The following TM6SF1 variants were observed in gnomAD, a reference collection of about 807,000 sequenced individuals.
TM6SF1 encodes the protein transmembrane 6 superfamily member 1.
In TM6SF1, 43 loss-of-function variants were observed where a neutral mutation model predicts 47.1. That is an observed-to-expected ratio of 0.91 (90% CI 0.72 to 1.18). The LOEUF (loss-of-function observed/expected upper bound fraction) is 1.18. Ranked by LOEUF, TM6SF1 falls within the 50% of genes most tolerant of loss-of-function variation. The pLI is 0.00. For synonymous variants in TM6SF1, 177 were observed against 166.3 expected, an observed-to-expected ratio of 1.06 and a Z score of -0.49; for missense variants, 390 against 449.0, an observed-to-expected ratio of 0.87 and a Z score of 1.19.
chr15:83,107,773 G>A lies in TM6SF1; in HGVS notation c.92+1G>A, dbSNP rs752689450. Reference sequence around the variant, plus strand: ...TCAACCACCTGGCGGCCCAGCATGAGTGAGTGAGCCGGCGCGGCGGGGGTC... The same window carrying A: ...TCAACCACCTGGCGGCCCAGCATGAATGAGTGAGCCGGCGCGGCGGGGGTC... On this transcript the variant is annotated splice_donor_variant, in intron 1 of 9. Coordinates refer to ENST00000322019, the MANE Select transcript of TM6SF1 (RefSeq NM_023003.5). LOFTEE classifies it high-confidence loss of function. This position sits in a 1 kb window ranked among gnomAD's most constrained non-coding sequence, Gnocchi z 5.6. The A allele has an allele frequency of 1.3e-6, 2 of 1,580,188 alleles. No individual in the cohort carries two copies. The highest frequency in any genetic ancestry group is 1.7e-6 in the Non-Finnish European group (2 of 1,164,746).
intron 9 of TM6SF1, chr15:83,130,257 A>C (rs1257955397): frequency 2.0e-5 from 3 of 152,264 alleles, no homozygotes; most frequent in Non-Finnish European, 4.4e-5. Context: ...TTAGAGGAAA[A>C]TGGGTGTGGT....
chr15:83,132,871 C>T (rs2036347939), intron 9 of TM6SF1: 1 of 152,186 alleles, frequency 6.6e-6, no homozygotes, highest in Non-Finnish European at 1.5e-5. Flanking sequence ...ACTGATTTAA[C>T]ATCTTTTATG....
chr15:83,112,799 C>A lies in TM6SF1; in HGVS notation c.95C>A (p.Ser32Tyr). The part of the protein sequence containing the change: ...VFNHLAAQHD[S>Y]WTIVGVAALI... ...CCTCCCTGTTCTGGTCGTTGCAGTT[C>A]CTGGACTATTGTAGGGGTTGCTGCC... Residue 32 changes from serine (S) to tyrosine (Y), a missense_variant and splice_region_variant, in exon 2 of 10, where the codon TCC becomes TAC. Physicochemically the swap from Ser to Tyr is moderately radical, Grantham distance 144. Coordinates refer to ENST00000322019, the MANE Select transcript of TM6SF1 (RefSeq NM_023003.5). 1.9e-6 allele frequency: 3 copies of A among 1,613,000 alleles called. No individual in the cohort carries two copies. Among genetic ancestry groups the A allele is most frequent in the Non-Finnish European group, 2.5e-6 (3 of 1,178,982 alleles).
intron 9 of TM6SF1, chr15:83,132,627 C>CA (rs1248336588): frequency 6.6e-6 from 1 of 152,108 alleles, no homozygotes; most frequent in Non-Finnish European, 1.5e-5. Flanking sequence ...CTCCTGGACT[C>CA]AAGTGACCCT....
intron 1 of TM6SF1, among the ~76,000 whole-genome samples, chr15:83,111,904 C>A (rs962855831): frequency 6.6e-6 from 1 of 152,128 alleles, no homozygotes; most frequent in Non-Finnish European, 1.5e-5. Context: ...CATAGGGGTG[C>A]AGAATACATT....
intron 9 of TM6SF1, chr15:83,135,482 T>A (rs1193846997): frequency 6.6e-6 from 1 of 152,246 alleles, no homozygotes; most frequent in African/African-American, 2.4e-5. Context: ...CCTTTATTCA[T>A]GTGTATCTTG....
At position 83,119,587 on chromosome 15, in the gene TM6SF1, T is replaced by C. The variant is rs760690303; in HGVS notation, c.304T>C (p.Tyr102His). 1.1e-5 allele frequency: 17 copies of C among 1,614,082 alleles called. No individual in the cohort carries two copies. The Admixed American group carries it at 2.0e-4, about 19-fold the overall frequency. Residue 102 changes from tyrosine to histidine, a missense_variant, in exon 4 of 10, where the codon TAT becomes CAT. Physicochemically the swap from Tyr to His is moderately conservative, Grantham distance 83. Transcript: ENST00000322019. The part of the protein sequence containing the change: ...MTHYLREGEP[Y>H]LNTAYGHMIC... ...TTAATGCTTTCTTTAGGGTGAACCG[T>C]ATCTGAACACCGCATATGGGCACAT...
At chr15:83,126,341 A>T in intron 7 of TM6SF1, among the ~76,000 whole-genome samples, 1 of 152,158 alleles carries the variant, frequency 6.6e-6, no homozygotes, top group East Asian at 1.9e-4. Context: ...TGCACTGGAG[A>T]CAGGAAGGTG....
chr15:83,109,434 A>T (rs2033947291), intron 1 of TM6SF1, among the ~76,000 whole-genome samples: 1 of 152,194 alleles, frequency 6.6e-6, no homozygotes. Context: ...TACAGACTGA[A>T]CTATGTATTG....
chr15:83,117,223 A>G (rs773439689), intron 3 of TM6SF1, among the ~76,000 whole-genome samples: 7 of 152,126 alleles, frequency 4.6e-5, no homozygotes, highest in Non-Finnish European at 8.8e-5. Context: ...AAAGGCTTGG[A>G]GAGGAGAAAG....
At chr15:83,112,937 T>G in intron 2 of TM6SF1, 37 bp downstream of exon 2, 2 of 1,470,890 alleles carry the variant, frequency 1.4e-6, no homozygotes, top group Non-Finnish European at 1.9e-6. Flanking sequence ...TGTATCTGAT[T>G]AATAACACAA....
Position 83,121,904 on chromosome 15 carries a change from TG to T in TM6SF1, c.399-16del. The T allele has an allele frequency of 1.9e-6, 3 of 1,577,408 alleles. No individual in the cohort carries two copies. The highest frequency in any genetic ancestry group is 2.7e-5 in the African/African-American group (2 of 73,198). ...CAAACATACCAAGTCAAGATTTTTT[TG>T]TTGTTGTTGTTACAGGGAAACTTAT... On this transcript the variant is annotated splice_polypyrimidine_tract_variant and intron_variant, in intron 4 of 9. Coordinates refer to ENST00000322019, the MANE Select transcript of TM6SF1 (RefSeq NM_023003.5).
Position 83,136,802 on chromosome 15 carries a change from A to G in TM6SF1, c.*130A>G, listed in dbSNP as rs1312897689. The G allele has an allele frequency of 1.4e-6, 1 of 735,764 alleles. No individual in the cohort carries two copies. Among genetic ancestry groups the G allele is most frequent in the East Asian group, 2.8e-5 (1 of 36,044 alleles). 45.6% of individuals were successfully genotyped at this position (735,764 alleles called of 1,614,324 possible). On this transcript the variant is annotated 3_prime_UTR_variant, in exon 10 of 10. Transcript: ENST00000322019. ...TATGTACATTCTTGCTCTGCACTGT[A>G]TGTGTGAGCTATATGGTATTGTGTA...
At chr15:83,112,973 CTCCTTGGTTGTGAATACTCTGAGCCCTT>C in intron 2 of TM6SF1, 73 bp downstream of exon 2, 1 of 1,270,752 alleles carries the variant, frequency 7.9e-7, no homozygotes, top group East Asian at 2.3e-5. Flanking sequence ...TCACATATTC[CTCCTTGGTTGTGAATACTCTGAGCCCTT>C]TGGTAACAGT....
chr15:83,119,861 CCTT>C, intron 4 of TM6SF1, 180 bp downstream of exon 4: 2 of 886,676 alleles, frequency 2.3e-6, no homozygotes, highest in Non-Finnish European at 3.3e-6. Flanking sequence ...TTGAATATGT[CCTT>C]CTGAATTGCT....
At chr15:83,132,288 G>C (rs1033187661) in intron 9 of TM6SF1, 2 of 152,166 alleles carry the variant, frequency 1.3e-5, no homozygotes, top group African/African-American at 4.8e-5. Context: ...TTAACCTGAA[G>C]ACAAACTAAT....
chr15:83,116,801 G>A (rs1318062696), intron 3 of TM6SF1, among the ~76,000 whole-genome samples: 1 of 152,156 alleles, frequency 6.6e-6, no homozygotes, highest in Non-Finnish European at 1.5e-5. Flanking sequence ...ATAAGACTTG[G>A]GGACAAATTG....
In TM6SF1 at chr15:83,107,925, A is replaced by G; in HGVS notation, c.92+153A>G. ...GGGGCTCCCCGCGCCTGGCCAGACTAGGGGGGCGCCCCAGGGGTCGCACGG... is the reference window on the plus strand; with the variant it reads ...GGGGCTCCCCGCGCCTGGCCAGACTGGGGGGGCGCCCCAGGGGTCGCACGG... On this transcript the variant is annotated intron_variant, in intron 1 of 9. Transcript: ENST00000322019. The surrounding 1 kb of genome is among the most constrained non-coding windows in gnomAD (Gnocchi z 5.6). The G allele has an allele frequency of 3.1e-6, 4 of 1,284,048 alleles. No individual in the cohort carries two copies. Among genetic ancestry groups the G allele is most frequent in the Non-Finnish European group, 4.0e-6 (4 of 1,011,282 alleles). The allele number at this position is 1,284,048 out of a possible 1,614,324, so 79.5% of individuals were successfully genotyped here. A position where few individuals can be genotyped will look rare whatever the true frequency, so the allele number is the denominator to read the frequency against.
intron 9 of TM6SF1, chr15:83,135,947 G>A (rs1357713273): frequency 1.3e-5 from 2 of 152,212 alleles, no homozygotes; most frequent in African/African-American, 4.8e-5. Context: ...AAGGGTATGA[G>A]CTCTTGCTGC....
Sources: gnomAD v4.1 joint callset for allele counts (sites outside exome capture counted in the v4.1 genomes callset) on GRCh38, gnomAD v4.1.1 for gene constraint, Gnocchi (gnomAD v3.1) non-coding constraint, MANE v1.5 for transcripts, NCBI Gene and HGNC (gene_info 2026-07-23, HGNC 2026-07-21) for gene names.